Variants in DHX37 observed in about 807,000 individuals in gnomAD.
DHX37 encodes probable ATP-dependent RNA helicase DHX37.
A neutral mutation model predicts 134.3 loss-of-function variants in DHX37; 52 were observed. That is an observed-to-expected ratio of 0.39 (90% confidence interval 0.31 to 0.49). The LOEUF is 0.49. Ranked by LOEUF, DHX37 falls within the 20% of genes least tolerant of loss-of-function variation. The pLI is 0.93. For missense variants in DHX37, 1,344 were observed against 1,580.8 expected, an observed-to-expected ratio of 0.85 and a Z score of 2.54; for synonymous variants, 634 against 670.7, an observed-to-expected ratio of 0.95 and a Z score of 0.85.
At position 124,964,608 on chromosome 12, in the gene DHX37, C is replaced by T; in HGVS notation, c.1831G>A (p.Glu611Lys). Residue 611 changes from glutamate (E) to lysine (K), a missense_variant, in exon 15 of 27, where the codon GAG becomes AAG. Coordinates refer to ENST00000308736, the MANE Select transcript of DHX37 (RefSeq NM_032656.4). ...KQAQVFKPPP[E>K]GTRLCVVATN... ...GCCACAACACACAACCGAGTCCCCT[C>T]CGGTGGAGGCTTAAAGACCTAGGAT... is the stretch of plus-strand genomic sequence containing the variant. 5 of 1,610,764 alleles carry T rather than the reference C, an allele frequency of 3.1e-6. No homozygotes were observed. The highest frequency in any genetic ancestry group is 2.2e-5 in the East Asian group (1 of 44,868).
chr12:124,956,965 C>T (rs1954110745), intron 17 of DHX37, 64 bp downstream of exon 17: 1 of 1,524,906 alleles, frequency 6.6e-7, no homozygotes, highest in African/African-American at 1.4e-5. Flanking sequence ...CAGCTCAGGC[C>T]CAGCAAAAGG....
intron 8 of DHX37, among the ~76,000 whole-genome samples, chr12:124,970,796 G>T (rs975175691): frequency 2.6e-5 from 4 of 152,330 alleles, no homozygotes; most frequent in South Asian, 2.1e-4. Flanking sequence ...CTCCCCGCCG[G>T]GAGGGTGAGA....
At chr12:124,984,013 T>C (rs1954810759) in intron 2 of DHX37, among the ~76,000 whole-genome samples, 2 of 152,100 alleles carry the variant, frequency 1.3e-5, no homozygotes, top group Admixed American at 1.3e-4. Flanking sequence ...GCCAAATAAG[T>C]TTTTGTTTTT....
chr12:124,967,372 G>A (rs975047025), intron 10 of DHX37, 154 bp from the exon 11 acceptor site: 5 of 330,100 alleles, frequency 1.5e-5, no homozygotes, highest in African/African-American at 2.3e-5. Flanking sequence ...GGGGCAGCAC[G>A]CCCAGACTGA....
At position 124,954,095 on chromosome 12, in the gene DHX37, A is replaced by G. The variant is rs543372890; in HGVS notation, c.2570T>C (p.Val857Ala). ...GASLKLGDLM[V>A]LLGAVGACEY... is the part of the protein sequence containing the mutation. ...ACGGGCAGGGCACAAACCCAGCAGC[A>G]CCATGAGGTCGCCGAGCTTCAGAGA... is the stretch of plus-strand genomic sequence containing the variant. The change falls in exon 19 of 27, where the codon GTG (valine) becomes GCG (alanine). Residue 857 changes from valine to alanine, a missense_variant. Val to Ala is a moderately conservative substitution (Grantham distance 64). Around this residue, in one of 7 missense-constraint regions of DHX37, gnomAD observed 558 missense variants for 650.0 expected, o/e 0.86. Coordinates refer to ENST00000308736, the MANE Select transcript of DHX37 (RefSeq NM_032656.4). The G allele has an allele frequency of 7.5e-6, 12 of 1,609,344 alleles. No individual in the cohort carries two copies. In the African/African-American group the frequency reaches 1.3e-4, roughly 18 times the overall value.
intron 21 of DHX37, among the ~76,000 whole-genome samples, chr12:124,951,211 G>A (rs543920575): frequency 6.6e-6 from 1 of 151,958 alleles, no homozygotes; most frequent in South Asian, 2.1e-4. Context: ...AACCCGGGAG[G>A]TGGAGGTTGC....
chr12:124,961,273 TGCACGCACACACACTTACAC>T lies in DHX37; in HGVS notation c.2046-870_2046-851del, dbSNP rs1954253343. Among the ~76,000 whole-genome samples, 4 of 102,654 alleles carry T rather than the reference TGCACGCACACACACTTACAC, an allele frequency of 3.9e-5. No individual in the cohort carries two copies. In the South Asian group the frequency reaches 1.2e-3, roughly 31 times the overall value. The allele number at this position is 102,654 out of a possible 152,430, so 67.3% of individuals were successfully genotyped here. On this transcript the variant is annotated intron_variant, in intron 15 of 26. Coordinates refer to ENST00000308736, the MANE Select transcript of DHX37 (RefSeq NM_032656.4). The stretch of plus-strand genomic sequence containing the variant: ...GCACGCACGCACACACATACACGCG[TGCACGCACACACACTTACAC>T]GCGTGCACGCACGCACACACACTTA...
chr12:124,968,867 C>T lies in DHX37; in HGVS notation c.1293G>A (p.Lys431=), dbSNP rs1264024376. 6.2e-7 allele frequency: 1 copy of T among 1,614,082 alleles called. No homozygotes were observed. The highest frequency in any genetic ancestry group is 8.5e-7 in the Non-Finnish European group (1 of 1,180,022). ...RLFAKPPPVI[K]VESRQFPVTV... is the part of the protein sequence containing the mutation. ...CAGAGGACATGGGACCCTGTGTTAC[C>T]TTGATGACCGGCGGCGGCTTGGCGA... Residue 431 remains lysine (K), a splice_region_variant and synonymous_variant, in exon 9 of 27, where the codon AAG becomes AAA. Coordinates refer to ENST00000308736, the MANE Select transcript of DHX37 (RefSeq NM_032656.4).
chr12:124,974,098 C>A (rs1954578783), intron 6 of DHX37, among the ~76,000 whole-genome samples: 1 of 151,760 alleles, frequency 6.6e-6, no homozygotes, highest in Non-Finnish European at 1.5e-5. Flanking sequence ...GCATTACAGG[C>A]ACCCGCCACT....
chr12:124,955,577 C>T (rs915024295), intron 18 of DHX37, among the ~76,000 whole-genome samples: 3 of 152,254 alleles, frequency 2.0e-5, no homozygotes, highest in African/African-American at 7.2e-5. Context: ...CTCCCAAGTG[C>T]TGGGATTACA....
intron 3 of DHX37, among the ~76,000 whole-genome samples, chr12:124,981,263 GA>G (rs35864151): frequency 0.3 from 45,358 of 151,106 alleles, 7,162 homozygotes; most frequent in Non-Finnish European, 0.34. Flanking sequence ...CTCTGCACTC[GA>G]TAAACAGTCA....
intron 2 of DHX37, among the ~76,000 whole-genome samples, chr12:124,985,245 G>T (rs1954843287): frequency 6.6e-6 from 1 of 152,154 alleles, no homozygotes; most frequent in Non-Finnish European, 1.5e-5. Context: ...CTGTATGTGG[G>T]ATTTGCTTCA....
chr12:124,954,142 C>G lies in DHX37; in HGVS notation c.2523G>C (p.Arg841Ser). The change falls in exon 19 of 27, where the codon AGG becomes AGC. Residue 841 changes from arginine (R) to serine (S), a missense_variant. This residue lies in a region of DHX37 where 558 missense variants were observed against 650.0 expected (regional missense o/e 0.86). Transcript: ENST00000308736. ...GAGAAGCCCCCTGCCCTGCCCAGGT[C>G]CTCTTCATCTGGGCCACCCGGGCCC... ...SKRARVAQMKRTWAGQGASLK... is the reference protein window; with the variant it reads ...SKRARVAQMKSTWAGQGASLK... 6.2e-7 allele frequency: 1 copy of G among 1,612,760 alleles called. No homozygotes were observed. Among genetic ancestry groups the G allele is most frequent in the South Asian group, 1.1e-5 (1 of 90,886 alleles).
Position 124,967,153 on chromosome 12 carries a change from C to T in DHX37, c.1474G>A (p.Ala492Thr). The change falls in exon 11 of 27, where the codon GCT becomes ACT. Residue 492 changes from alanine (A) to threonine (T), a missense_variant. By Grantham distance (58) the Ala-to-Thr change is moderately conservative. Coordinates refer to ENST00000308736, the MANE Select transcript of DHX37 (RefSeq NM_032656.4). ...GGCCGGGCTCTGGAGGGTGGGAAAGCCTTCCTGAGCCTGCGGCACAGCGCA... is the reference window on the plus strand; with the variant it reads ...GGCCGGGCTCTGGAGGGTGGGAAAGTCTTCCTGAGCCTGCGGCACAGCGCA... The part of the protein sequence containing the change: ...VHALCRRLRK[A>T]FPPSRARPQE... The T allele has an allele frequency of 8.7e-6, 14 of 1,613,812 alleles. No individual in the cohort carries two copies. The highest frequency in any genetic ancestry group is 1.2e-5 in the Non-Finnish European group (14 of 1,180,026).
chr12:124,959,965 A>G (rs1409514893), intron 16 of DHX37, among the ~76,000 whole-genome samples: 1 of 152,170 alleles, frequency 6.6e-6, no homozygotes, highest in Non-Finnish European at 1.5e-5. Context: ...GGGTGACCCT[A>G]GAGGGATCCC....
At chr12:124,965,839 G>C (rs1954375217) in intron 12 of DHX37, 27 bp from the exon 13 acceptor site, 3 of 1,603,348 alleles carry the variant, frequency 1.9e-6, no homozygotes, top group Non-Finnish European at 2.6e-6. Flanking sequence ...ATAGACACCT[G>C]GGCTGCAGGG....
chr12:124,964,575 C>T lies in DHX37; in HGVS notation c.1864G>A (p.Val622Met). The T allele has an allele frequency of 6.2e-7, 1 of 1,613,398 alleles. No homozygotes were observed. The highest frequency in any genetic ancestry group is 1.1e-5 in the South Asian group (1 of 91,066). ...GGGATGGTAAGCGACGTCTCGGCCA[C>T]ATTGGTGGCCACAACACACAACCGA... Reference protein sequence around the residue: ...GTRLCVVATNVAETSLTIPGI... With the variant: ...GTRLCVVATNMAETSLTIPGI... The change falls in exon 15 of 27, where the codon GTG becomes ATG. Residue 622 changes from valine (V) to methionine (M), a missense_variant. Around this residue, in one of 7 missense-constraint regions of DHX37, gnomAD observed 289 missense variants for 323.8 expected, o/e 0.89. Coordinates refer to ENST00000308736, the MANE Select transcript of DHX37 (RefSeq NM_032656.4).
chr12:124,961,309 C>T (rs531255371), intron 15 of DHX37, among the ~76,000 whole-genome samples: 1 of 147,550 alleles, frequency 6.8e-6, no homozygotes, highest in African/African-American at 2.6e-5. Flanking sequence ...CACGCACGCA[C>T]ACACACTTAC....
chr12:124,966,895 T>C lies in DHX37; in HGVS notation c.1505-17A>G. On this transcript the variant is annotated splice_polypyrimidine_tract_variant and intron_variant, in intron 11 of 26. Coordinates refer to ENST00000308736, the MANE Select transcript of DHX37 (RefSeq NM_032656.4). ...CGTCCTTTTCTGGGAGAGGGGCAGG[T>C]TGGGGAGAAAGGCGTCTGTGGCCGG... 6.2e-7 allele frequency: 1 copy of C among 1,614,096 alleles called. No homozygotes were observed. Among genetic ancestry groups the C allele is most frequent in the Non-Finnish European group, 8.5e-7 (1 of 1,179,988 alleles).
Sources: gnomAD v4.1 joint callset for allele counts (sites outside exome capture counted in the v4.1 genomes callset) on GRCh38, gnomAD v4.1.1 for gene constraint, gnomAD v4.1.1 regional missense constraint, MANE v1.5 for transcripts, NCBI Gene and HGNC (gene_info 2026-07-23, HGNC 2026-07-21) for gene names.